The following MARK3 variants were observed in gnomAD, a reference collection of about 807,000 sequenced individuals.
MARK3 encodes MAP/microtubule affinity-regulating kinase 3.
A neutral mutation model predicts 90.1 loss-of-function variants in MARK3; 46 were observed. That is an observed-to-expected ratio of 0.51 (90% CI 0.40 to 0.65). The LOEUF (loss-of-function observed/expected upper bound fraction) is 0.65. Among genes scored for constraint, MARK3 ranks in the 30% least tolerant of loss-of-function variants. The pLI is 0.00. For missense variants in MARK3, 818 were observed against 947.2 expected, an observed-to-expected ratio of 0.86 and a Z score of 1.79; for synonymous variants, 321 against 332.6, an observed-to-expected ratio of 0.97 and a Z score of 0.38.
chr14:103,439,656 A>G (rs1462593616), intron 3 of MARK3, among the ~76,000 whole-genome samples: 2 of 151,702 alleles, frequency 1.3e-5, no homozygotes, highest in Non-Finnish European at 2.9e-5. Flanking sequence ...TGATCCACCC[A>G]CCTCAGCCTC....
intron 14 of MARK3, chr14:103,491,110 A>G (rs945204185): frequency 1.6e-6 from 2 of 1,253,336 alleles, no homozygotes; most frequent in South Asian, 2.6e-5. Flanking sequence ...AAGGCTATGT[A>G]AGAAAAATGC....
At chr14:103,480,916 C>T (rs541631165) in intron 14 of MARK3, among the ~76,000 whole-genome samples, 2 of 152,268 alleles carry the variant, frequency 1.3e-5, no homozygotes, top group African/African-American at 4.8e-5. Flanking sequence ...ATTAAAGGTC[C>T]GCAGTTTACC....
chr14:103,413,548 C>T (rs901909637), intron 2 of MARK3, among the ~76,000 whole-genome samples: 4 of 151,488 alleles, frequency 2.6e-5, no homozygotes, highest in African/African-American at 9.7e-5. Context: ...TCAGCCTCCC[C>T]AGTAGCTGGG....
Position 103,386,054 on chromosome 14 carries a change from A to G in MARK3, c.25A>G (p.Thr9Ala), listed in dbSNP as rs747478476. The G allele has an allele frequency of 6.2e-7, 1 of 1,614,250 alleles. No individual in the cohort carries two copies. Residue 9 changes from threonine (T) to alanine (A), a missense_variant, in exon 1 of 18, where the codon ACG (threonine) becomes GCG (alanine). Thr to Ala is a moderately conservative substitution (Grantham distance 58). Coordinates refer to ENST00000429436, the MANE Select transcript of MARK3 (RefSeq NM_001128918.3). ...AATGTCCACTAGGACCCCATTGCCA[A>G]CGGTGAATGAACGAGACACTGAAAA... is the stretch of plus-strand genomic sequence containing the variant. MSTRTPLP[T>A]VNERDTENHT...
chr14:103,470,136 C>G (rs970690576), intron 12 of MARK3, among the ~76,000 whole-genome samples: 1 of 151,804 alleles, frequency 6.6e-6, no homozygotes, highest in African/African-American at 2.4e-5. Context: ...ATAGACAGGA[C>G]AGCCCTGGAG....
chr14:103,419,265 T>A (rs2092101622), intron 2 of MARK3, among the ~76,000 whole-genome samples: 1 of 152,146 alleles, frequency 6.6e-6, no homozygotes, highest in South Asian at 2.1e-4. Flanking sequence ...TACTCCAGCC[T>A]GGGTGACAGA....
At chr14:103,500,072 GTTGGTA>G in intron 16 of MARK3, 78 bp from the exon 17 acceptor site, 2 of 1,010,058 alleles carry the variant, frequency 2.0e-6, no homozygotes, top group South Asian at 2.7e-5. Flanking sequence ...TGGTGTTGGT[GTTGGTA>G]TTGGTGGTCA....
At chr14:103,443,532 A>G (rs2092915407) in intron 3 of MARK3, among the ~76,000 whole-genome samples, 1 of 152,192 alleles carries the variant, frequency 6.6e-6, no homozygotes, top group Admixed American at 6.5e-5. Flanking sequence ...AGGAGGGGAA[A>G]AGAGTCCAGG....
rs1387088895 is a variant in MARK3 at position 103,503,140 on chromosome 14, G to A, written c.2175G>A (p.Leu725=). 1.9e-6 allele frequency: 3 copies of A among 1,614,236 alleles called. No individual in the cohort carries two copies. The East Asian group carries it at 6.7e-5, about 36-fold the overall frequency. ...MEVCKLPRLS[L]NGVRFKRISG... The stretch of plus-strand genomic sequence containing the variant: ...TGTGCAAGCTGCCAAGACTGTCTCT[G>A]AACGGGGTCCGGTTTAAGCGGATAT... The change falls in exon 18 of 18, where the codon CTG becomes CTA. Residue 725 remains leucine, a synonymous_variant. Coordinates refer to ENST00000429436, the MANE Select transcript of MARK3 (RefSeq NM_001128918.3).
chr14:103,403,984 T>C (rs2140657505), intron 1 of MARK3, among the ~76,000 whole-genome samples: 1 of 152,298 alleles, frequency 6.6e-6, no homozygotes, highest in Non-Finnish European at 1.5e-5. Flanking sequence ...CAAGAGCCTA[T>C]CCCCTAACCT....
chr14:103,408,099 G>A (rs2091422442), intron 2 of MARK3, among the ~76,000 whole-genome samples: 1 of 152,052 alleles, frequency 6.6e-6, no homozygotes, highest in Non-Finnish European at 1.5e-5. Flanking sequence ...AGTCTGTAGG[G>A]GAAGATGACA....
At chr14:103,416,657 A>G (rs2091956383) in intron 2 of MARK3, among the ~76,000 whole-genome samples, 1 of 152,172 alleles carries the variant, frequency 6.6e-6, no homozygotes, top group South Asian at 2.1e-4. Flanking sequence ...CTGTAATCCC[A>G]GCTACTCAGG....
chr14:103,394,949 A>G (rs577302302), intron 1 of MARK3, among the ~76,000 whole-genome samples: 1 of 152,132 alleles, frequency 6.6e-6, no homozygotes, highest in South Asian at 2.1e-4. Flanking sequence ...CGCCTGGCTA[A>G]TTTTTGTATT....
intron 13 of MARK3, among the ~76,000 whole-genome samples, chr14:103,476,829 C>T (rs900853557): frequency 1.3e-5 from 2 of 152,118 alleles, no homozygotes; most frequent in African/African-American, 4.8e-5. Flanking sequence ...TATGCTTAGT[C>T]GAAGTAAACC....
chr14:103,459,366 A>G (rs545716123), intron 6 of MARK3, among the ~76,000 whole-genome samples: 27 of 152,340 alleles, frequency 1.8e-4, no homozygotes, highest in African/African-American at 6.3e-4. Flanking sequence ...TGTTTTTTCA[A>G]TTAGCAAATT....
chr14:103,405,681 C>G (rs1197500943), intron 2 of MARK3, among the ~76,000 whole-genome samples: 2 of 151,828 alleles, frequency 1.3e-5, no homozygotes, highest in Non-Finnish European at 2.9e-5. Context: ...ATGTCAAGTT[C>G]TAACCACATA....
intron 3 of MARK3, chr14:103,429,073 C>T (rs1243360606): frequency 1.3e-5 from 2 of 152,188 alleles, no homozygotes; most frequent in South Asian, 2.1e-4. Flanking sequence ...TTAGGTTGGG[C>T]CCAGGCATAG....
At chr14:103,417,271 G>A (rs2091986846) in intron 2 of MARK3, 1 of 86,066 alleles carries the variant, frequency 1.2e-5, no homozygotes, top group Non-Finnish European at 3.5e-5. Flanking sequence ...CTAAGAACTT[G>A]AGGAGGAAGA....
chr14:103,393,070 G>A (rs1314599421), intron 1 of MARK3, among the ~76,000 whole-genome samples: 1 of 152,130 alleles, frequency 6.6e-6, no homozygotes, highest in African/African-American at 2.4e-5. Context: ...TGCAACCTCC[G>A]CCTCCTGGCT....
Sources: gnomAD v4.1 joint callset for allele counts (sites outside exome capture counted in the v4.1 genomes callset) on GRCh38, gnomAD v4.1.1 for gene constraint, MANE v1.5 for transcripts, NCBI Gene and HGNC (gene_info 2026-07-23, HGNC 2026-07-21) for gene names.